Variants in TSPAN9 observed in about 807,000 individuals in gnomAD.
The protein encoded by TSPAN9 is tetraspanin 9.
A neutral mutation model predicts 31.0 loss-of-function variants in TSPAN9; 16 were observed. That is an observed-to-expected ratio of 0.52 (90% CI 0.35 to 0.78). TSPAN9 has a LOEUF of 0.78. Among genes scored for constraint, TSPAN9 ranks in the 30% least tolerant of loss-of-function variants. The pLI, the probability that TSPAN9 is intolerant of heterozygous loss-of-function variation, is 0.01. For synonymous variants in TSPAN9, 145 were observed against 121.6 expected (o/e 1.19, Z -1.27); for missense variants, 272 against 312.5 (o/e 0.87, Z 0.98).
chr12:3,102,099 AC>A, intron 2 of TSPAN9, among the ~76,000 whole-genome samples: 2 of 151,704 alleles, frequency 1.3e-5, no homozygotes, highest in Non-Finnish European at 2.9e-5. Context: ...TCTTGCACGC[AC>A]CTGCTCTTTC....
intron 2 of TSPAN9, among the ~76,000 whole-genome samples, chr12:3,158,943 C>A (rs928395961): frequency 1.3e-5 from 2 of 151,758 alleles, no homozygotes; most frequent in Non-Finnish European, 2.9e-5. Flanking sequence ...TCCTCCTTTG[C>A]CCGGCACGTC....
chr12:3,253,679 G>A (rs1169582316), intron 3 of TSPAN9, among the ~76,000 whole-genome samples: 1 of 152,246 alleles, frequency 6.6e-6, no homozygotes, highest in Admixed American at 6.5e-5. Context: ...GGTCCACAGG[G>A]TGACAGGTGG....
chr12:3,258,283 G>A (rs1385716423), intron 3 of TSPAN9, among the ~76,000 whole-genome samples: 1 of 152,224 alleles, frequency 6.6e-6, no homozygotes. Context: ...AGGCTCTGGG[G>A]GTTCAAGAAG....
chr12:3,114,484 A>G (rs1207585463), intron 2 of TSPAN9, among the ~76,000 whole-genome samples: 1 of 152,096 alleles, frequency 6.6e-6, no homozygotes, highest in Non-Finnish European at 1.5e-5. Flanking sequence ...CACCTTAGAC[A>G]CTGGCAGGAG....
At chr12:3,154,102 T>C (rs1407993292) in intron 2 of TSPAN9, among the ~76,000 whole-genome samples, 1 of 152,134 alleles carries the variant, frequency 6.6e-6, no homozygotes, top group Middle Eastern at 3.2e-3. Context: ...TTGCGTTATT[T>C]CCTTAGGACA....
chr12:3,173,729 G>A (rs2098353428), intron 2 of TSPAN9: 1 of 152,204 alleles, frequency 6.6e-6, no homozygotes, highest in African/African-American at 2.4e-5. Context: ...CTGGTCTCAA[G>A]TGATCCTGTT....
intron 2 of TSPAN9, among the ~76,000 whole-genome samples, chr12:3,135,117 C>G (rs541934320): frequency 6.6e-6 from 1 of 152,242 alleles, no homozygotes; most frequent in Admixed American, 6.5e-5. Context: ...GGGTTTTGCT[C>G]TGTCACCCAA....
chr12:3,185,988 G>A (rs573746591), intron 2 of TSPAN9, among the ~76,000 whole-genome samples: 6 of 152,278 alleles, frequency 3.9e-5, no homozygotes, highest in South Asian at 2.1e-4. Flanking sequence ...TCCGGCCCTC[G>A]GTACTGCCCA....
At chr12:3,264,234 AT>A (rs1395425321) in intron 3 of TSPAN9, among the ~76,000 whole-genome samples, 1 of 151,928 alleles carries the variant, frequency 6.6e-6, no homozygotes, top group Non-Finnish European at 1.5e-5. Context: ...CCTGGGTCGA[AT>A]GGGGCACAGG....
chr12:3,214,379 C>T (rs1334826199), intron 3 of TSPAN9, among the ~76,000 whole-genome samples: 1 of 152,204 alleles, frequency 6.6e-6, no homozygotes, highest in African/African-American at 2.4e-5. Flanking sequence ...TGCTGGAACT[C>T]ACTGCCTGGA....
At chr12:3,202,990 C>T (rs1262907859) in intron 3 of TSPAN9, among the ~76,000 whole-genome samples, 2 of 152,218 alleles carry the variant, frequency 1.3e-5, no homozygotes, top group South Asian at 2.1e-4. Context: ...TGGATTCACA[C>T]GAATGCTGTC....
chr12:3,275,066 G>A (rs1862758310), intron 3 of TSPAN9, among the ~76,000 whole-genome samples: 1 of 152,242 alleles, frequency 6.6e-6, no homozygotes, highest in South Asian at 2.1e-4. Context: ...AGGCTCCCAG[G>A]TGGGTCTGGC....
At chr12:3,118,251 C>A (rs2153965939) in intron 2 of TSPAN9, among the ~76,000 whole-genome samples, 1 of 54,028 alleles carries the variant, frequency 1.9e-5, no homozygotes, top group Non-Finnish European at 4.6e-5. Flanking sequence ...GCCCCTGCAC[C>A]CGCCGTTTTT....
intron 2 of TSPAN9, among the ~76,000 whole-genome samples, chr12:3,093,894 G>A (rs1026178078): frequency 2.0e-5 from 3 of 152,168 alleles, no homozygotes; most frequent in East Asian, 1.9e-4. Flanking sequence ...ACAGGGTCTC[G>A]CTCTGTCATG....
chr12:3,220,770 C>T (rs549017996), intron 3 of TSPAN9, among the ~76,000 whole-genome samples: 3 of 151,756 alleles, frequency 2.0e-5, no homozygotes, highest in Non-Finnish European at 2.9e-5. Flanking sequence ...TGCACCACAC[C>T]GCCCAGCACA....
intron 2 of TSPAN9, among the ~76,000 whole-genome samples, chr12:3,184,403 GA>G (rs894952857): frequency 6.7e-6 from 1 of 148,172 alleles, no homozygotes; most frequent in African/African-American, 2.5e-5. Flanking sequence ...ATTAAAAAAA[GA>G]AAAAAAGAAA....
chr12:3,177,987 C>T (rs2098356763), intron 2 of TSPAN9, among the ~76,000 whole-genome samples: 1 of 152,152 alleles, frequency 6.6e-6, no homozygotes, highest in Non-Finnish European at 1.5e-5. Context: ...ATGGTTAGCC[C>T]CTGGCCCTCA....
At chr12:3,077,875 G>C (rs1015986183) in intron 1 of TSPAN9, among the ~76,000 whole-genome samples, 26 of 152,278 alleles carry the variant, frequency 1.7e-4, no homozygotes, top group Admixed American at 1.5e-3. Context: ...ATGGCCTGCA[G>C]CCCCCCGGCA....
intron 2 of TSPAN9, among the ~76,000 whole-genome samples, chr12:3,198,526 G>A (rs1292388602): frequency 9.8e-6 from 1 of 101,770 alleles, no homozygotes; most frequent in African/African-American, 4.6e-5. Context: ...GGTCACACCA[G>A]CACAGGCCAC....
Sources: gnomAD v4.1 joint callset for allele counts (sites outside exome capture counted in the v4.1 genomes callset) on GRCh38, gnomAD v4.1.1 for gene constraint, MANE v1.5 for transcripts, NCBI Gene and HGNC (gene_info 2026-07-23, HGNC 2026-07-21) for gene names.